PCDH11X: variants seen among roughly 807,000 people sequenced by gnomAD.
PCDH11X encodes protocadherin 11 X-linked.
A neutral mutation model predicts 53.3 loss-of-function variants in PCDH11X; 18 were observed. The ratio of observed to expected loss-of-function variants is 0.34; its 90% CI spans 0.23 to 0.50. The LOEUF is 0.50. Among genes scored for constraint, PCDH11X ranks in the 20% least tolerant of loss-of-function variants. The probability of loss-of-function intolerance (pLI) is 0.98; values close to 1 mark genes in which losing one functional copy is unlikely to be tolerated. For missense variants in PCDH11X, 570 were observed against 1,032.4 expected, an observed-to-expected ratio of 0.55 and a Z score of 6.14; for synonymous variants, 279 against 393.3, an observed-to-expected ratio of 0.71 and a Z score of 3.44.
intron 6 of PCDH11X, among the ~76,000 whole-genome samples, chrX:92,181,782 T>C (rs753879764): frequency 1.8e-5 from 2 of 112,499 alleles, no homozygotes; most frequent in East Asian, 5.6e-4. Flanking sequence ...AAGTCAAGAA[T>C]TGAGTCTTGG....
rs140294465 is a variant in PCDH11X, at chrX:92,245,025, T to C, written c.3115-18089T>C. 2.5e-3 allele frequency among the ~76,000 whole-genome samples: 282 copies of C among 111,702 alleles called. 1 individual carries two copies. Among genetic ancestry groups the C allele is most frequent in the African/African-American group, 8.2e-3 (251 of 30,791 alleles). Reference sequence around the variant, plus strand: ...GAACCATCCAGTGTTTTATGTTGAGTTGGAAACTGAAAATAAGAGCTGCAC... The same window carrying C: ...GAACCATCCAGTGTTTTATGTTGAGCTGGAAACTGAAAATAAGAGCTGCAC... On this transcript the variant is annotated intron_variant, in intron 7 of 10. Coordinates refer to ENST00000682573, the MANE Select transcript of PCDH11X (RefSeq NM_032968.5).
intron 6 of PCDH11X, among the ~76,000 whole-genome samples, chrX:92,139,270 CTTTTTTT>C (rs1227547175): frequency 1.2e-5 from 1 of 82,800 alleles, no homozygotes; most frequent in Admixed American, 1.4e-4. Flanking sequence ...TTCTTTCTTT[CTTTTTTT>C]TTTTTTTTTT....
intron 7 of PCDH11X, among the ~76,000 whole-genome samples, chrX:92,246,426 C>T (rs1037446662): frequency 7.2e-5 from 8 of 111,284 alleles, no homozygotes; most frequent in African/African-American, 2.3e-4. Flanking sequence ...AATCTCGGCC[C>T]GCTGCCACCT....
At chrX:92,332,232 T>G (rs956182713) in intron 8 of PCDH11X, among the ~76,000 whole-genome samples, 5 of 112,402 alleles carry the variant, frequency 4.4e-5, no homozygotes, top group Non-Finnish European at 7.5e-5. Context: ...ATAAGAAAAT[T>G]TAAGAAAGCA....
chrX:92,254,023 A>C (rs2067512704), intron 7 of PCDH11X, among the ~76,000 whole-genome samples: 1 of 112,093 alleles, frequency 8.9e-6, no homozygotes, highest in Non-Finnish European at 1.9e-5. Flanking sequence ...CAGATCTTAG[A>C]GAAAAGGCTT....
At chrX:91,983,306 T>C (rs1004145270) in intron 6 of PCDH11X, 18 of 970,294 alleles carry the variant, frequency 1.9e-5, no homozygotes, top group Non-Finnish European at 2.5e-5. Flanking sequence ...CGTCAGGCCG[T>C]ACTCAGTCCA....
intron 9 of PCDH11X, among the ~76,000 whole-genome samples, chrX:92,427,202 TC>T (rs1449044798): frequency 1.0e-4 from 11 of 109,751 alleles, no homozygotes; most frequent in African/African-American, 3.6e-4. Flanking sequence ...TTATTTACCT[TC>T]ATGCCTATGC....
intron 10 of PCDH11X, among the ~76,000 whole-genome samples, chrX:92,521,491 G>A (rs989689109): frequency 9.0e-6 from 1 of 111,718 alleles, no homozygotes; most frequent in Admixed American, 9.5e-5. Flanking sequence ...AGGCTTTGAT[G>A]TTCCATTTAT....
At chrX:92,215,167 G>T in intron 7 of PCDH11X, among the ~76,000 whole-genome samples, 1 of 110,925 alleles carries the variant, frequency 9.0e-6, no homozygotes, top group Non-Finnish European at 1.9e-5. Flanking sequence ...GAGGTACCGG[G>T]TTCATCTCAC....
intron 4 of PCDH11X, among the ~76,000 whole-genome samples, chrX:91,819,106 G>C (rs1399232792): frequency 4.5e-5 from 5 of 110,726 alleles, no homozygotes; most frequent in Admixed American, 9.7e-5. Flanking sequence ...AATAAAAGTG[G>C]GGTTGCATTT....
At chrX:92,363,372 G>T (rs1229488428) in intron 8 of PCDH11X, among the ~76,000 whole-genome samples, 1 of 110,491 alleles carries the variant, frequency 9.1e-6, no homozygotes, top group Non-Finnish European at 1.9e-5. Flanking sequence ...CCCCTCTTTG[G>T]TTAGGTTTAT....
In PCDH11X at chrX:92,486,297, A is replaced by G. The variant is rs1219631403; in HGVS notation, c.3367+17975A>G. 9.0e-5 allele frequency among the ~76,000 whole-genome samples: 10 copies of G among 111,518 alleles called. No homozygotes were observed. In the East Asian group the frequency reaches 2.8e-3, roughly 32 times the overall value. Reference sequence around the variant, plus strand: ...ATAAGCCTATATAAATATATGAAATAATATGCAGGACACATGTGACCCTTA... The same window carrying G: ...ATAAGCCTATATAAATATATGAAATGATATGCAGGACACATGTGACCCTTA... On this transcript the variant is annotated intron_variant, in intron 10 of 10. Coordinates refer to ENST00000682573, the MANE Select transcript of PCDH11X (RefSeq NM_032968.5).
intron 6 of PCDH11X, among the ~76,000 whole-genome samples, chrX:91,945,299 C>CAAT (rs1411129253): frequency 1.9e-5 from 2 of 104,365 alleles, no homozygotes; most frequent in Admixed American, 1.1e-4. Flanking sequence ...GATAGCAGGA[C>CAAT]AATACTAGAG....
At chrX:92,292,349 T>G (rs1194521754) in intron 8 of PCDH11X, among the ~76,000 whole-genome samples, 3 of 112,246 alleles carry the variant, frequency 2.7e-5, no homozygotes, top group African/African-American at 6.5e-5. Flanking sequence ...TGCTGGAACA[T>G]TTTACCTGCA....
At chrX:92,395,340 T>C (rs2071220338) in intron 9 of PCDH11X, among the ~76,000 whole-genome samples, 1 of 111,788 alleles carries the variant, frequency 8.9e-6, no homozygotes, top group East Asian at 2.8e-4. Context: ...TATTTGAACA[T>C]TGAATACGAA....
At chrX:92,613,542 TTGTTGTGTGTG>T (rs781351511) in intron 10 of PCDH11X, among the ~76,000 whole-genome samples, 10 of 94,258 alleles carry the variant, frequency 1.1e-4, no homozygotes, top group South Asian at 4.9e-4. Context: ...GTTGTTGTTG[TTGTTGTGTGTG>T]TGTGTGTGTG....
chrX:92,508,758 A>G (rs1440134507), intron 10 of PCDH11X, among the ~76,000 whole-genome samples: 2 of 89,677 alleles, frequency 2.2e-5, no homozygotes, highest in African/African-American at 8.8e-5. Flanking sequence ...TTGAAATAAT[A>G]TATTTCTAAA....
At chrX:92,505,485 C>A (rs1233834842) in intron 10 of PCDH11X, among the ~76,000 whole-genome samples, 10 of 110,333 alleles carry the variant, frequency 9.1e-5, no homozygotes, top group African/African-American at 3.0e-4. Flanking sequence ...TTTTTGTCAA[C>A]TTTGTTGAAG....
chrX:92,184,033 C>A (rs892960576), intron 6 of PCDH11X, among the ~76,000 whole-genome samples: 2 of 110,825 alleles, frequency 1.8e-5, no homozygotes, highest in African/African-American at 6.6e-5. Context: ...TAATCTCAGG[C>A]GGGCAGTTTT....
Sources: gnomAD v4.1 joint callset for allele counts (sites outside exome capture counted in the v4.1 genomes callset) on GRCh38, gnomAD v4.1.1 for gene constraint, MANE v1.5 for transcripts, NCBI Gene and HGNC (gene_info 2026-07-23, HGNC 2026-07-21) for gene names.